GRID1: variants seen among roughly 807,000 people sequenced by gnomAD.
GRID1 encodes glutamate ionotropic receptor delta type subunit 1.
In GRID1, 28 loss-of-function variants were observed where a neutral mutation model predicts 98.0. The ratio of observed to expected loss-of-function variants is 0.29; its 90% confidence interval spans 0.21 to 0.39. The LOEUF is 0.39. GRID1 is among the 10% of genes least tolerant of loss of function. The pLI, the probability that GRID1 is intolerant of heterozygous loss-of-function variation, is 1.00. For synonymous variants in GRID1, 553 were observed against 538.5 expected, an observed-to-expected ratio of 1.03 and a Z score of -0.37; for missense variants, 1,111 against 1,340.5, an observed-to-expected ratio of 0.83 and a Z score of 2.67.
chr10:86,204,342 C>A (rs1845995645), intron 3 of GRID1, among the ~76,000 whole-genome samples: 2 of 152,178 alleles, frequency 1.3e-5, no homozygotes, highest in South Asian at 2.1e-4. Context: ...TGGTGGGAAG[C>A]ACACAGCCAC....
chr10:86,165,637 GT>G (rs1845388148), intron 3 of GRID1, among the ~76,000 whole-genome samples: 1 of 152,206 alleles, frequency 6.6e-6, no homozygotes, highest in Admixed American at 6.5e-5. Flanking sequence ...TGGGTTTAAG[GT>G]TATAAAGACT....
intron 8 of GRID1, among the ~76,000 whole-genome samples, chr10:85,789,831 A>G (rs981651474): frequency 1.3e-5 from 2 of 152,102 alleles, no homozygotes; most frequent in African/African-American, 4.8e-5. Context: ...ATCTCATTCA[A>G]TGCAAACCTA....
chr10:86,028,118 GGT>G (rs1419070287), intron 4 of GRID1, among the ~76,000 whole-genome samples: 1 of 152,196 alleles, frequency 6.6e-6, no homozygotes, highest in African/African-American at 2.4e-5. Context: ...TCACCCACCA[GGT>G]GTGTGTGGCT....
chr10:85,715,690 A>AT (rs1841630412), intron 12 of GRID1, among the ~76,000 whole-genome samples: 1 of 152,156 alleles, frequency 6.6e-6, no homozygotes, highest in African/African-American at 2.4e-5. Context: ...AATGGCTATG[A>AT]TAAAAAAAAG....
intron 2 of GRID1, among the ~76,000 whole-genome samples, chr10:86,273,872 C>G (rs1847225720): frequency 6.6e-6 from 1 of 151,938 alleles, no homozygotes; most frequent in African/African-American, 2.4e-5. Context: ...TGCCTGTTCA[C>G]TCTCATGGTA....
chr10:85,619,540 AT>A (rs1272080339), intron 14 of GRID1, among the ~76,000 whole-genome samples: 2 of 152,100 alleles, frequency 1.3e-5, no homozygotes, highest in Non-Finnish European at 2.9e-5. Context: ...TCTCCCAGAT[AT>A]CCTGGGTCTG....
At chr10:85,771,115 T>G (rs868123842) in intron 8 of GRID1, among the ~76,000 whole-genome samples, 120 of 152,244 alleles carry the variant, frequency 7.9e-4, no homozygotes, top group African/African-American at 2.6e-3. Flanking sequence ...CAGACTAACA[T>G]CGGATCTCTC....
chr10:85,950,525 C>G (rs1842106856), intron 4 of GRID1, among the ~76,000 whole-genome samples: 1 of 152,148 alleles, frequency 6.6e-6, no homozygotes, highest in Non-Finnish European at 1.5e-5. Flanking sequence ...TCTGAGAATC[C>G]AAGCCTGACC....
chr10:85,883,869 T>A (rs899818218), intron 5 of GRID1, among the ~76,000 whole-genome samples: 15 of 152,206 alleles, frequency 9.9e-5, no homozygotes, highest in Admixed American at 5.2e-4. Flanking sequence ...AGACTGAACA[T>A]TTTCCTTGCC....
chr10:85,645,758 T>A (rs1843179220), intron 13 of GRID1: 1 of 152,202 alleles, frequency 6.6e-6, no homozygotes, highest in Non-Finnish European at 1.5e-5. Flanking sequence ...TAAATGGCAA[T>A]GAAAAATCAT....
intron 5 of GRID1, among the ~76,000 whole-genome samples, chr10:85,898,303 G>T (rs911121685): frequency 5.3e-5 from 8 of 152,216 alleles, no homozygotes; most frequent in African/African-American, 1.9e-4. Flanking sequence ...AAGTTGCTCT[G>T]GGTGAGTTAG....
At chr10:86,207,628 C>CT (rs71016123) in intron 2 of GRID1, among the ~76,000 whole-genome samples, 29,742 of 106,058 alleles carry the variant, frequency 0.28, 5,842 homozygotes, top group East Asian at 0.54. Context: ...GATGCAGTTT[C>CT]TTTTTTTTTT....
intron 2 of GRID1, among the ~76,000 whole-genome samples, chr10:86,312,216 CAG>C (rs1404484807): frequency 6.6e-6 from 1 of 152,240 alleles, no homozygotes; most frequent in Non-Finnish European, 1.5e-5. Flanking sequence ...CAGATGACAT[CAG>C]AGTCATTTCA....
chr10:86,257,561 A>G (rs1036482381), intron 2 of GRID1, among the ~76,000 whole-genome samples: 6 of 152,264 alleles, frequency 3.9e-5, no homozygotes, highest in African/African-American at 9.6e-5. Context: ...TGATGTGGCC[A>G]CCACTGTGTG....
intron 2 of GRID1, among the ~76,000 whole-genome samples, chr10:86,358,413 G>A (rs892327189): frequency 1.3e-5 from 2 of 152,094 alleles, no homozygotes; most frequent in African/African-American, 4.8e-5. Flanking sequence ...GAATATGTTA[G>A]GCTACATGGC....
At chr10:86,012,723 T>A (rs1842935169) in intron 4 of GRID1, among the ~76,000 whole-genome samples, 1 of 151,950 alleles carries the variant, frequency 6.6e-6, no homozygotes, top group Non-Finnish European at 1.5e-5. Flanking sequence ...CCTGAGAGCT[T>A]TTTTACCCCT....
intron 2 of GRID1, among the ~76,000 whole-genome samples, chr10:86,295,573 C>G (rs986296423): frequency 2.6e-5 from 4 of 152,112 alleles, no homozygotes; most frequent in Non-Finnish European, 5.9e-5. Flanking sequence ...GGAGGTGTTG[C>G]AGATGCGGAA....
chr10:85,737,889 A>G (rs1463074426), intron 8 of GRID1, among the ~76,000 whole-genome samples: 1 of 151,848 alleles, frequency 6.6e-6, no homozygotes, highest in Non-Finnish European at 1.5e-5. Flanking sequence ...ACAGGATGCA[A>G]GAAGTGTTTC....
chr10:86,056,337 A>ATG (rs1159047597), intron 4 of GRID1, among the ~76,000 whole-genome samples: 1 of 152,208 alleles, frequency 6.6e-6, no homozygotes, highest in Non-Finnish European at 1.5e-5. Context: ...GGCAAAAGAA[A>ATG]TGTTGCAACA....
Sources: gnomAD v4.1 joint callset for allele counts (sites outside exome capture counted in the v4.1 genomes callset) on GRCh38, gnomAD v4.1.1 for gene constraint, MANE v1.5 for transcripts, NCBI Gene and HGNC (gene_info 2026-07-23, HGNC 2026-07-21) for gene names.